The following ANO5 variants were observed in gnomAD, a reference collection of about 807,000 sequenced individuals.
ANO5 encodes the protein anoctamin-5.
In ANO5, 109 loss-of-function variants were observed where a neutral mutation model predicts 121.0. The ratio of observed to expected loss-of-function variants is 0.90; its 90% CI spans 0.77 to 1.06. The LOEUF (loss-of-function observed/expected upper bound fraction) is 1.06. Ranked by LOEUF, ANO5 falls within the 50% of genes least tolerant of loss-of-function variation. The probability of loss-of-function intolerance (pLI) is 0.00; values close to 1 mark genes in which losing one functional copy is unlikely to be tolerated. For synonymous variants in ANO5, 406 were observed against 359.9 expected, an observed-to-expected ratio of 1.13 and a Z score of -1.45; for missense variants, 1,064 against 1,078.5, an observed-to-expected ratio of 0.99 and a Z score of 0.19.
intron 21 of ANO5, among the ~76,000 whole-genome samples, chr11:22,278,437 CTAAT>C (rs1322151928): frequency 6.6e-6 from 1 of 151,186 alleles, no homozygotes; most frequent in Non-Finnish European, 1.5e-5. Context: ...GTTTGAAATT[CTAAT>C]TATTTGTTTT....
Position 22,270,442 on chromosome 11 carries a change from G to C in ANO5, c.2029G>C (p.Val677Leu). The change falls in exon 18 of 22, where the codon GTT becomes CTT. Residue 677 changes from valine (V) to leucine (L), a missense_variant and splice_region_variant. By Grantham distance (32) the Val-to-Leu change is conservative (BLOSUM62 1). Transcript: ENST00000324559. ...LGLFYEYLETVTQFGFVTLFV... is the reference protein window; with the variant it reads ...LGLFYEYLETLTQFGFVTLFV... ...GCTTTTCTATGAGTACTTAGAAACA[G>C]GTAATTTTTAACCACTGTTTTGAAA... 6.2e-7 allele frequency: 1 copy of C among 1,614,024 alleles called. No homozygotes were observed. Among genetic ancestry groups the C allele is most frequent in the Non-Finnish European group, 8.5e-7 (1 of 1,179,962 alleles).
intron 17 of ANO5, among the ~76,000 whole-genome samples, chr11:22,264,357 T>C (rs1854292625): frequency 6.6e-6 from 1 of 151,504 alleles, no homozygotes; most frequent in East Asian, 1.9e-4. Flanking sequence ...TAGCTCTAGA[T>C]TGAGAACCCA....
intron 2 of ANO5, 121 bp downstream of exon 2, chr11:22,203,971 C>A: frequency 1.6e-6 from 1 of 622,470 alleles, no homozygotes; most frequent in Non-Finnish European, 2.7e-6. Context: ...CTAATTTATT[C>A]ATTTTTTAAG....
Position 22,193,395 on chromosome 11 carries a change from C to A in ANO5, c.-98C>A. 1 of 1,545,852 alleles carries A rather than the reference C, an allele frequency of 6.5e-7. No homozygotes were observed. The highest frequency in any genetic ancestry group is 8.7e-7 in the Non-Finnish European group (1 of 1,147,032). On this transcript the variant is annotated 5_prime_UTR_variant, in exon 1 of 22. Transcript: ENST00000324559. ...CAGCAGCAGCAACTCCGGCGGCCCA[C>A]AGTCAGATTCAGCACCTGCCTCAGA...
At chr11:22,203,936 C>A in intron 2 of ANO5, 86 bp downstream of exon 2, 1 of 873,466 alleles carries the variant, frequency 1.1e-6, no homozygotes, top group Non-Finnish European at 1.8e-6. Flanking sequence ...TACTTATTTA[C>A]TTATAATACA....
chr11:22,267,673 TTG>T (rs1329779206), intron 17 of ANO5, among the ~76,000 whole-genome samples: 1 of 151,966 alleles, frequency 6.6e-6, no homozygotes, highest in African/African-American at 2.4e-5. Flanking sequence ...CACAAGTAAC[TTG>T]TGTCATGGGG....
rs1328163575 is a variant in ANO5, at chr11:22,281,497, T to TAG, written c.*1736_*1737dup. On this transcript the variant is annotated 3_prime_UTR_variant, in exon 22 of 22. Transcript: ENST00000324559. Reference sequence around the variant, plus strand: ...CATTATTGAAAGATGATTTCATATGTAGAGAAGATAATATTTCTTTCTTGA... The same window carrying TAG: ...CATTATTGAAAGATGATTTCATATGTAGAGAGAAGATAATATTTCTTTCTTGA... 2.1e-5 allele frequency: 3 copies of TAG among 142,670 alleles called. No individual in the cohort carries two copies. Among genetic ancestry groups the TAG allele is most frequent in the Non-Finnish European group, 4.7e-5 (3 of 64,112 alleles). The allele number at this position is 142,670 out of a possible 1,614,324, so 8.8% of individuals were successfully genotyped here.
chr11:22,266,117 T>C (rs756708673), intron 17 of ANO5, among the ~76,000 whole-genome samples: 12 of 152,204 alleles, frequency 7.9e-5, no homozygotes, highest in African/African-American at 1.4e-4. Flanking sequence ...AAATGGATCA[T>C]AGACAAAACT....
intron 18 of ANO5, among the ~76,000 whole-genome samples, chr11:22,272,469 A>G (rs1854656285): frequency 6.6e-6 from 1 of 152,154 alleles, no homozygotes; most frequent in African/African-American, 2.4e-5. Context: ...TAAAGACTAG[A>G]CAAGCATAAA....
chr11:22,246,249 T>C (rs1459247441), intron 9 of ANO5, among the ~76,000 whole-genome samples: 3 of 152,190 alleles, frequency 2.0e-5, no homozygotes, highest in African/African-American at 4.8e-5. Flanking sequence ...CAAACATATA[T>C]TCTGCATTAG....
Position 22,193,450 on chromosome 11 carries a change from C to G in ANO5, c.-43C>G. 2 of 1,598,058 alleles carry G rather than the reference C, an allele frequency of 1.3e-6. No homozygotes were observed. The highest frequency in any genetic ancestry group is 1.7e-6 in the Non-Finnish European group (2 of 1,172,998). On this transcript the variant is annotated 5_prime_UTR_variant, in exon 1 of 22. Transcript: ENST00000324559. Reference sequence around the variant, plus strand: ...CACGTCTGTCTCAGCTGCCCCTCTCCTGCTGCCTCTCAGGCACCAGTGCCA... The same window carrying G: ...CACGTCTGTCTCAGCTGCCCCTCTCGTGCTGCCTCTCAGGCACCAGTGCCA...
Position 22,272,866 on chromosome 11 carries a change from G to A in ANO5, c.2112G>A (p.Glu704=). The A allele has an allele frequency of 2.5e-6, 4 of 1,614,058 alleles. No homozygotes were observed. The highest frequency in any genetic ancestry group is 2.5e-6 in the Non-Finnish European group (3 of 1,180,004). ...TTGCTCTCATAAATAATATTGTAGA[G>A]ATTCGAGTGGATGCCTGGAAACTTA... ...PLLALINNIV[E]IRVDAWKLTT... Residue 704 remains glutamate (E), a synonymous_variant, in exon 19 of 22, where the codon GAG becomes GAA. Transcript: ENST00000324559.
intron 5 of ANO5, 79 bp downstream of exon 5, chr11:22,221,289 A>G: frequency 1.6e-6 from 2 of 1,256,668 alleles, no homozygotes; most frequent in South Asian, 2.5e-5. Flanking sequence ...GGATTGAATT[A>G]TGTTGTAAAA....
chr11:22,230,093 A>G (rs1016668212), intron 7 of ANO5, among the ~76,000 whole-genome samples: 17 of 152,024 alleles, frequency 1.1e-4, no homozygotes, highest in Admixed American at 1.1e-3. Context: ...GTGAATGTGT[A>G]TATGATGAAT....
chr11:22,241,093 G>A (rs1486272455), intron 9 of ANO5, among the ~76,000 whole-genome samples: 3 of 151,486 alleles, frequency 2.0e-5, no homozygotes, highest in East Asian at 1.9e-4. Flanking sequence ...TATATTGCAC[G>A]ATGCTGAGGT....
intron 3 of ANO5, among the ~76,000 whole-genome samples, chr11:22,211,806 C>T (rs190821111): frequency 1.3e-5 from 2 of 151,734 alleles, no homozygotes; most frequent in Non-Finnish European, 2.9e-5. Flanking sequence ...CATTAGTTGC[C>T]TAGCAAGTAA....
chr11:22,253,572 G>A (rs889073320), intron 12 of ANO5, among the ~76,000 whole-genome samples: 10 of 152,108 alleles, frequency 6.6e-5, no homozygotes, highest in African/African-American at 2.4e-4. Flanking sequence ...ATAGTACCAA[G>A]TTCATGAAAC....
intron 2 of ANO5, among the ~76,000 whole-genome samples, chr11:22,206,469 C>T (rs1196254065): frequency 6.6e-6 from 1 of 151,992 alleles, no homozygotes; most frequent in African/African-American, 2.4e-5. Context: ...TATGCCATCA[C>T]ACCTGGCTAA....
chr11:22,228,193 A>G (rs911466335), intron 7 of ANO5, among the ~76,000 whole-genome samples: 8 of 152,208 alleles, frequency 5.3e-5, no homozygotes, highest in African/African-American at 1.9e-4. Context: ...TCCACTTCAT[A>G]GGTTACCCAG....
Sources: allele counts gnomAD v4.1 joint callset (sites outside exome capture counted in the v4.1 genomes callset), GRCh38; gene constraint gnomAD v4.1.1; transcripts MANE v1.5; gene names NCBI Gene and HGNC (gene_info 2026-07-23, HGNC 2026-07-21).